ACR: variants seen among roughly 807,000 people sequenced by gnomAD.
ACR encodes acrosin light and heavy chain prepropeptide.
ACR carries 17 observed loss-of-function variants against 26.0 expected under a neutral mutation model. The ratio of observed to expected loss-of-function variants is 0.65; its 90% confidence interval spans 0.45 to 0.98. ACR has a LOEUF of 0.98. ACR is among the 50% of genes least tolerant of loss of function. The pLI is 0.00. For missense variants in ACR, 435 were observed against 519.3 expected (o/e 0.84, Z 1.58); for synonymous variants, 199 against 207.7 (o/e 0.96, Z 0.36).
chr22:50,744,584 C>A, intron 4 of ACR, 69 bp from the exon 5 acceptor site: 4 of 1,500,372 alleles, frequency 2.7e-6, no homozygotes, highest in Admixed American at 2.3e-5. Flanking sequence ...CCTCCCAGAG[C>A]CTTCCGACCC....
In ACR at chr22:50,744,182, T is replaced by C. The variant is rs770906540; in HGVS notation, c.687T>C (p.Pro229=). Residue 229 remains proline, a synonymous_variant, in exon 4 of 5, where the codon CCT becomes CCC. Coordinates refer to ENST00000216139, the MANE Select transcript of ACR (RefSeq NM_001097.3). The part of the protein sequence containing the change: ...VQPTNVCAGY[P]VGKIDTCQGD... The stretch of plus-strand genomic sequence containing the variant: ...CAACCAATGTGTGCGCGGGGTATCC[T>C]GTAGGCAAGATCGACACCTGCCAGG... 7 of 1,613,618 alleles carry C rather than the reference T, an allele frequency of 4.3e-6. No individual in the cohort carries two copies. Among genetic ancestry groups the C allele is most frequent in the Non-Finnish European group, 3.4e-6 (4 of 1,179,794 alleles).
rs1156480225 is a variant in ACR at position 50,739,927 on chromosome 22, G to A, written c.515G>A (p.Arg172Lys). Residue 172 changes from arginine to lysine, a missense_variant, in exon 3 of 5, where the codon AGA (arginine) becomes AAA (lysine). Arg to Lys is a conservative substitution (Grantham distance 26, BLOSUM62 2). This residue lies in a region of ACR where 314 missense variants were observed against 372.0 expected (regional missense o/e 0.84). Coordinates refer to ENST00000216139, the MANE Select transcript of ACR (RefSeq NM_001097.3). This position sits in a 1 kb window ranked among gnomAD's most constrained non-coding sequence, Gnocchi z 5.5. Reference sequence around the variant, plus strand: ...CCCCACTTTAAGGCAGGCCTCCCCAGAGGCTCCCAGAGCTGCTGGGTGGCC... The same window carrying A: ...CCCCACTTTAAGGCAGGCCTCCCCAAAGGCTCCCAGAGCTGCTGGGTGGCC... ...CLPHFKAGLP[R>K]GSQSCWVAGW... The A allele has an allele frequency of 1.2e-6, 2 of 1,613,814 alleles. No individual in the cohort carries two copies. Among genetic ancestry groups the A allele is most frequent in the African/African-American group, 2.7e-5 (2 of 74,902 alleles).
At position 50,739,574 on chromosome 22, in the gene ACR, C is replaced by T. The variant is rs2146852966; in HGVS notation, c.281+100C>T. 3 of 1,571,276 alleles carry T rather than the reference C, an allele frequency of 1.9e-6. No individual in the cohort carries two copies. Among genetic ancestry groups the T allele is most frequent in the South Asian group, 1.2e-5 (1 of 85,418 alleles). ...TGCAGCGTCTCCCTGGGGCTCTGGG[C>T]CAAGTGGCTGCAAGACTCCGGGGGC... On this transcript the variant is annotated intron_variant, in intron 2 of 4. Transcript: ENST00000216139. This position sits in a 1 kb window ranked among gnomAD's most constrained non-coding sequence, Gnocchi z 5.5.
In ACR at chr22:50,744,146, G is replaced by C; in HGVS notation, c.651G>C (p.Gly217=). Residue 217 remains glycine, a synonymous_variant, in exon 4 of 5, where the codon GGG becomes GGC. Transcript: ENST00000216139. The stretch of plus-strand genomic sequence containing the variant: ...GTAACTCGACCCAGTGGTACAATGG[G>C]CGCGTTCAGCCAACCAATGTGTGCG... ...DLCNSTQWYN[G]RVQPTNVCAG... The C allele has an allele frequency of 1.2e-6, 2 of 1,613,920 alleles. No individual in the cohort carries two copies. Among genetic ancestry groups the C allele is most frequent in the East Asian group, 4.5e-5 (2 of 44,882 alleles).
chr22:50,738,747 G>A (rs952248795), intron 1 of ACR, among the ~76,000 whole-genome samples: 19 of 151,724 alleles, frequency 1.3e-4, no homozygotes, highest in African/African-American at 4.1e-4. Flanking sequence ...CCTCCCACCC[G>A]TGACACAGTT....
Position 50,739,190 on chromosome 22 carries a change from C to G in ACR, c.78-81C>G. 7.6e-7 allele frequency: 1 copy of G among 1,317,492 alleles called. No homozygotes were observed. The highest frequency in any genetic ancestry group is 1.1e-6 in the Non-Finnish European group (1 of 943,544). The allele number at this position is 1,317,492 out of a possible 1,614,324, so 81.6% of individuals were successfully genotyped here. On this transcript the variant is annotated intron_variant, in intron 1 of 4. Transcript: ENST00000216139. The surrounding 1 kb of genome is among the most constrained non-coding windows in gnomAD (Gnocchi z 5.5). Reference sequence around the variant, plus strand: ...TTCCCCACTTTTCCCAACCCCATGTCCCTGCCTCCCCTCAGTTGTGGAGTT... The same window carrying G: ...TTCCCCACTTTTCCCAACCCCATGTGCCTGCCTCCCCTCAGTTGTGGAGTT...
chr22:50,740,125 C>T, intron 3 of ACR, 148 bp downstream of exon 3: 1 of 1,046,012 alleles, frequency 9.6e-7, no homozygotes, highest in Non-Finnish European at 1.4e-6. Context: ...TGGCCTTCCA[C>T]AGTCCCCTGT....
chr22:50,740,001 G>C, intron 3 of ACR, 24 bp downstream of exon 3: 1 of 1,612,284 alleles, frequency 6.2e-7, no homozygotes, highest in East Asian at 2.2e-5. Context: ...CGCCTCCAAG[G>C]GGGGACGCTG....
rs146594596 is a variant in ACR, at chr22:50,744,874, G to A, written c.933G>A (p.Pro311=). 9.0e-6 allele frequency: 14 copies of A among 1,551,200 alleles called. No homozygotes were observed. Among genetic ancestry groups the A allele is most frequent in the African/African-American group, 5.0e-5 (3 of 60,496 alleles). Residue 311 remains proline (P), a synonymous_variant, in exon 5 of 5, where the codon CCG becomes CCA. Coordinates refer to ENST00000216139, the MANE Select transcript of ACR (RefSeq NM_001097.3). ...CACCTCCCACCACTCGACCGCCCCCGATTCGACCCCCCTTCTCCCACCCTA... is the reference window on the plus strand; with the variant it reads ...CACCTCCCACCACTCGACCGCCCCCAATTCGACCCCCCTTCTCCCACCCTA... ...TPPPPTTRPP[P]IRPPFSHPIS... is the part of the protein sequence containing the mutation.
chr22:50,745,138 C>G lies in ACR; in HGVS notation c.1197C>G (p.Thr399=). The stretch of plus-strand genomic sequence containing the variant: ...TCATAGAGGTCTTGAAGGGGAAGAC[C>G]TATTCCGACGGAAAGAACCATTATG... ...QQLIEVLKGK[T]YSDGKNHYDM... The change falls in exon 5 of 5, where the codon ACC becomes ACG. Residue 399 remains threonine (T), a synonymous_variant. Transcript: ENST00000216139. 2 of 821,838 alleles carry G rather than the reference C, an allele frequency of 2.4e-6. No individual in the cohort carries two copies. The highest frequency in any genetic ancestry group is 3.6e-5 in the South Asian group (2 of 55,968). The allele number at this position is 821,838 out of a possible 1,614,324, so 50.9% of individuals were successfully genotyped here.
intron 3 of ACR, among the ~76,000 whole-genome samples, chr22:50,741,138 C>G (rs2083423211): frequency 1.3e-5 from 2 of 152,098 alleles, no homozygotes; most frequent in South Asian, 2.1e-4. Context: ...TAAAACGCAG[C>G]CTTTTTTGGG....
chr22:50,739,373 C>G lies in ACR; in HGVS notation c.180C>G (p.Leu60=). The change falls in exon 2 of 5, where the codon CTC becomes CTG. Residue 60 remains leucine (L), a synonymous_variant. Coordinates refer to ENST00000216139, the MANE Select transcript of ACR (RefSeq NM_001097.3). The surrounding 1 kb of genome is among the most constrained non-coding windows in gnomAD (Gnocchi z 5.5). Reference sequence around the variant, plus strand: ...GGGCCTGGCCCTGGATGGTCAGCCTCCAGATCTTCACGTACAACAGCCACA... The same window carrying G: ...GGGCCTGGCCCTGGATGGTCAGCCTGCAGATCTTCACGTACAACAGCCACA... The part of the protein sequence containing the change: ...QHGAWPWMVS[L]QIFTYNSHRY... 6.2e-7 allele frequency: 1 copy of G among 1,613,864 alleles called. No homozygotes were observed. The highest frequency in any genetic ancestry group is 1.7e-5 in the Admixed American group (1 of 59,980).
intron 3 of ACR, among the ~76,000 whole-genome samples, chr22:50,742,846 C>T (rs904724550): frequency 2.6e-5 from 4 of 152,176 alleles, no homozygotes; most frequent in African/African-American, 7.2e-5. Flanking sequence ...CAGTCTGCTC[C>T]CATCTGCTCT....
Position 50,744,163 on chromosome 22 carries a change from A to C in ACR, c.668A>C (p.Asn223Thr). ...TACAATGGGCGCGTTCAGCCAACCA[A>C]TGTGTGCGCGGGGTATCCTGTAGGC... ...QWYNGRVQPTNVCAGYPVGKI... is the reference protein window; with the variant it reads ...QWYNGRVQPTTVCAGYPVGKI... Residue 223 changes from asparagine to threonine, a missense_variant, in exon 4 of 5, where the codon AAT (asparagine) becomes ACT (threonine). Around this residue, in one of 3 missense-constraint regions of ACR, gnomAD observed 314 missense variants for 372.0 expected, o/e 0.84. Transcript: ENST00000216139. 6.2e-7 allele frequency: 1 copy of C among 1,613,828 alleles called. No homozygotes were observed. Among genetic ancestry groups the C allele is most frequent in the South Asian group, 1.1e-5 (1 of 91,074 alleles).
At chr22:50,743,251 G>A (rs905235651) in intron 3 of ACR, among the ~76,000 whole-genome samples, 1 of 152,008 alleles carries the variant, frequency 6.6e-6, no homozygotes, top group Non-Finnish European at 1.5e-5. Flanking sequence ...TAGCCAGGAT[G>A]GTCTCGAACT....
rs181184416 is a variant in ACR at position 50,741,899 on chromosome 22, C to T, written c.565+1922C>T. Among the ~76,000 whole-genome samples, 379 of 151,576 alleles carry T rather than the reference C, an allele frequency of 2.5e-3. 7 individuals carry two copies. The East Asian group carries it at 0.05, about 20-fold the overall frequency. On this transcript the variant is annotated intron_variant, in intron 3 of 4. Transcript: ENST00000216139. ...GTAATTTACCCAGCACTTTGGGAGG[C>T]CGAGGCAGGTGGATCACCTGAGGTC...
intron 3 of ACR, chr22:50,740,278 A>G: frequency 1.8e-6 from 1 of 569,862 alleles, no homozygotes. Flanking sequence ...GATCCTGGAA[A>G]CAAGCAGCAA....
chr22:50,740,286 C>A (rs1034256798), intron 3 of ACR: 21 of 569,412 alleles, frequency 3.7e-5, no homozygotes, highest in African/African-American at 3.4e-4. Flanking sequence ...AAACAAGCAG[C>A]AACCCTGAAA....
Position 50,739,131 on chromosome 22 carries a change from A to G in ACR, c.78-140A>G. ...GAGCCTGCGGCTTCCTACATAGCGC[A>G]GGCTGCCCCTGCTTTCCCAGAACCC... On this transcript the variant is annotated intron_variant, in intron 1 of 4. Coordinates refer to ENST00000216139, the MANE Select transcript of ACR (RefSeq NM_001097.3). This position sits in a 1 kb window ranked among gnomAD's most constrained non-coding sequence, Gnocchi z 5.5. 2 of 716,682 alleles carry G rather than the reference A, an allele frequency of 2.8e-6. No homozygotes were observed. The highest frequency in any genetic ancestry group is 2.4e-6 in the Non-Finnish European group (1 of 424,622). 44.4% of individuals were successfully genotyped at this position (716,682 alleles called of 1,614,324 possible). A position where few individuals can be genotyped will look rare whatever the true frequency, so the allele number is the denominator to read the frequency against.
Sources: allele counts gnomAD v4.1 joint callset (sites outside exome capture counted in the v4.1 genomes callset), GRCh38; gene constraint gnomAD v4.1.1; regional missense constraint gnomAD v4.1.1; non-coding constraint Gnocchi (gnomAD v3.1); transcripts MANE v1.5; gene names NCBI Gene and HGNC (gene_info 2026-07-23, HGNC 2026-07-21).